Variants in MALRD1 observed in about 807,000 individuals in gnomAD.
The protein encoded by MALRD1 is MAM and LDL-receptor class A domain-containing protein 1.
MALRD1 carries 247 observed loss-of-function variants against 242.1 expected under a neutral mutation model. The ratio of observed to expected loss-of-function variants is 1.02; its 90% CI spans 0.92 to 1.13. The LOEUF (loss-of-function observed/expected upper bound fraction) is 1.13, where lower values mean the gene tolerates loss of function less well. Among genes scored for constraint, MALRD1 ranks in the 50% most tolerant of loss-of-function variants. The pLI, the probability that MALRD1 is intolerant of heterozygous loss-of-function variation, is 0.00. For missense variants in MALRD1, 2,989 were observed against 2,533.1 expected (o/e 1.18, Z -3.86); for synonymous variants, 995 against 866.6 (o/e 1.15, Z -2.60).
At chr10:19,508,029 A>G (rs1332925) in intron 31 of MALRD1, among the ~76,000 whole-genome samples, 21,212 of 151,440 alleles carry the variant, frequency 0.14, 1,718 homozygotes, top group Middle Eastern at 0.2. Context: ...AAGAAAGTCA[A>G]TATGAAGCAT....
At chr10:19,542,645 G>A (rs1182295925) in intron 32 of MALRD1, among the ~76,000 whole-genome samples, 5 of 151,872 alleles carry the variant, frequency 3.3e-5, no homozygotes, top group Non-Finnish European at 7.4e-5. Flanking sequence ...TATATATATA[G>A]ATGTAAATTT....
At chr10:19,625,472 C>T (rs987457594) in intron 36 of MALRD1, among the ~76,000 whole-genome samples, 6 of 151,980 alleles carry the variant, frequency 3.9e-5, no homozygotes, top group Admixed American at 1.3e-4. Flanking sequence ...AGAACATTCC[C>T]TGAACCCATA....
At chr10:19,177,923 A>T (rs1323267658) in intron 14 of MALRD1, among the ~76,000 whole-genome samples, 1 of 152,118 alleles carries the variant, frequency 6.6e-6, no homozygotes. Context: ...GATAAGCCAG[A>T]TAATTTGTTT....
At chr10:19,266,797 C>G (rs7096986) in intron 19 of MALRD1, among the ~76,000 whole-genome samples, 10,883 of 151,950 alleles carry the variant, frequency 0.072, 447 homozygotes, top group East Asian at 0.17. Flanking sequence ...TTCTACAGTT[C>G]TTTGCATAGC....
intron 31 of MALRD1, among the ~76,000 whole-genome samples, chr10:19,506,155 C>G (rs1833129286): frequency 6.6e-6 from 1 of 152,184 alleles, no homozygotes; most frequent in Non-Finnish European, 1.5e-5. Context: ...CTCCCAATCA[C>G]AGAAGTCTGT....
intron 29 of MALRD1, among the ~76,000 whole-genome samples, chr10:19,461,107 G>A (rs939778807): frequency 2.0e-5 from 3 of 152,074 alleles, no homozygotes. Context: ...TCAAGACAAT[G>A]GAAGGAAATG....
intron 38 of MALRD1, among the ~76,000 whole-genome samples, chr10:19,723,181 GC>G (rs1342170146): frequency 6.6e-6 from 1 of 152,152 alleles, no homozygotes; most frequent in African/African-American, 2.4e-5. Context: ...ACTCATGGAA[GC>G]ATGAGAACCA....
At chr10:19,538,253 A>G (rs1030964899) in intron 32 of MALRD1, among the ~76,000 whole-genome samples, 3 of 152,234 alleles carry the variant, frequency 2.0e-5, no homozygotes, top group African/African-American at 4.8e-5. Context: ...GAAGACTTCA[A>G]TATCTTTTCA....
In MALRD1 at chr10:19,382,646, G is replaced by A. The variant is rs1018324933; in HGVS notation, c.4442-4882G>A. On this transcript the variant is annotated intron_variant, in intron 26 of 39. Coordinates refer to ENST00000454679, the MANE Select transcript of MALRD1 (RefSeq NM_001142308.3). The stretch of plus-strand genomic sequence containing the variant: ...TTAATTCAGATAAAGGTCTTGATCC[G>A]GGCTTTCTTCTTTATGTACTTTGTT... Among the ~76,000 whole-genome samples the A allele has an allele frequency of 3.3e-5, 5 of 151,894 alleles. No homozygotes were observed. The South Asian group carries it at 1.0e-3, about 32-fold the overall frequency.
chr10:19,204,446 A>G, intron 16 of MALRD1, 33 bp downstream of exon 16: 1 of 1,416,086 alleles, frequency 7.1e-7, no homozygotes, highest in Non-Finnish European at 9.7e-7. Flanking sequence ...AACAATATTA[A>G]ACAGTTCACC....
At position 19,073,726 on chromosome 10, in the gene MALRD1, A is replaced by G. The variant is rs183927679; in HGVS notation, c.340+6867A>G. On this transcript the variant is annotated intron_variant, in intron 2 of 39. Coordinates refer to ENST00000454679, the MANE Select transcript of MALRD1 (RefSeq NM_001142308.3). Reference sequence around the variant, plus strand: ...GAAATCCAAAACACTTCTGGTCCCAAGCATTTTAGGTAAGAGATACTGAAC... The same window carrying G: ...GAAATCCAAAACACTTCTGGTCCCAGGCATTTTAGGTAAGAGATACTGAAC... 1.6e-4 allele frequency among the ~76,000 whole-genome samples: 24 copies of G among 152,272 alleles called. No individual in the cohort carries two copies. The South Asian group carries it at 2.3e-3, about 14-fold the overall frequency.
At chr10:19,669,588 G>A (rs1437252619) in intron 36 of MALRD1, among the ~76,000 whole-genome samples, 1 of 152,104 alleles carries the variant, frequency 6.6e-6, no homozygotes, top group Admixed American at 6.5e-5. Flanking sequence ...ATTTAATTTA[G>A]TACAAAATTG....
At chr10:19,687,637 C>T (rs535625065) in intron 36 of MALRD1, among the ~76,000 whole-genome samples, 2 of 152,296 alleles carry the variant, frequency 1.3e-5, no homozygotes, top group South Asian at 4.1e-4. Context: ...AAAACAAATA[C>T]TTGCTTTATC....
chr10:19,727,195 T>C (rs1385049013), intron 38 of MALRD1, among the ~76,000 whole-genome samples: 1 of 152,198 alleles, frequency 6.6e-6, no homozygotes, highest in Non-Finnish European at 1.5e-5. Context: ...TGGCATGTGA[T>C]TTATAGCTCC....
At chr10:19,606,972 A>G (rs890967993) in intron 34 of MALRD1, among the ~76,000 whole-genome samples, 1 of 152,262 alleles carries the variant, frequency 6.6e-6, no homozygotes, top group African/African-American at 2.4e-5. Flanking sequence ...GACAAATCAG[A>G]TATAATTAAA....
intron 21 of MALRD1, among the ~76,000 whole-genome samples, chr10:19,311,304 A>G (rs907002125): frequency 6.6e-6 from 1 of 151,426 alleles, no homozygotes; most frequent in African/African-American, 2.4e-5. Flanking sequence ...AAAAAAGAAG[A>G]AAGACACAGA....
At position 19,567,609 on chromosome 10, in the gene MALRD1, G is replaced by A. The variant is rs7916213; in HGVS notation, c.5586G>A (p.Pro1862=). The change falls in exon 33 of 40, where the codon CCG becomes CCA. Residue 1862 remains proline (P), a synonymous_variant. Transcript: ENST00000454679. ...CTGTGCCTCTCTCCAGTAACAGTCCGTTTAAGGTGGCATTTGAAGCTGATT... is the reference window on the plus strand; with the variant it reads ...CTGTGCCTCTCTCCAGTAACAGTCCATTTAAGGTGGCATTTGAAGCTGATT... ...YGSVPLSSNS[P]FKVAFEADLD... is the part of the protein sequence containing the mutation. 8.9e-3 allele frequency: 13,869 copies of A among 1,550,590 alleles called. 858 individuals carry two copies. In the African/African-American group the frequency reaches 0.15, roughly 17 times the overall value.
chr10:19,630,833 C>G (rs913977252), intron 36 of MALRD1, among the ~76,000 whole-genome samples: 1 of 151,976 alleles, frequency 6.6e-6, no homozygotes, highest in Non-Finnish European at 1.5e-5. Flanking sequence ...TTTATATTGA[C>G]AAGTATTTGC....
chr10:19,324,014 A>C lies in MALRD1; in HGVS notation c.3485A>C (p.Asp1162Ala). The change falls in exon 22 of 40, where the codon GAC becomes GCC. Residue 1162 changes from aspartate to alanine, a missense_variant. Transcript: ENST00000454679. Reference protein sequence around the residue: ...SSNGKFGDTADILTPIISLTG... With the variant: ...SSNGKFGDTAAILTPIISLTG... ...AATGGGAAATTTGGTGACACGGCTG[A>C]CATTCTCACTCCTATCATTTCACTC... 6.4e-7 allele frequency: 1 copy of C among 1,550,808 alleles called. No individual in the cohort carries two copies. Among genetic ancestry groups the C allele is most frequent in the Non-Finnish European group, 8.7e-7 (1 of 1,146,928 alleles).
Sources: allele counts gnomAD v4.1 joint callset (sites outside exome capture counted in the v4.1 genomes callset), GRCh38; gene constraint gnomAD v4.1.1; transcripts MANE v1.5; gene names NCBI Gene and HGNC (gene_info 2026-07-23, HGNC 2026-07-21).